The following DCAF10 variants were observed in gnomAD, a reference collection of about 807,000 sequenced individuals.
DCAF10 encodes the protein DDB1- and CUL4-associated factor 10.
A neutral mutation model predicts 51.9 loss-of-function variants in DCAF10; 19 were observed. The observed-to-expected ratio is 0.37, with a 90% CI of 0.26 to 0.54. The LOEUF (loss-of-function observed/expected upper bound fraction) is 0.54, where lower values mean the gene tolerates loss of function less well. Among genes scored for constraint, DCAF10 ranks in the 20% least tolerant of loss-of-function variants. The pLI is 0.87. For synonymous variants in DCAF10, 291 were observed against 297.1 expected (o/e 0.98, Z 0.21); for missense variants, 510 against 730.6 (o/e 0.70, Z 3.48).
In DCAF10 at chr9:37,865,767, CA is replaced by C. The variant is rs1203099428; in HGVS notation, c.*4260del. 1 of 152,066 alleles carries C rather than the reference CA, an allele frequency of 6.6e-6. No individual in the cohort carries two copies. The highest frequency in any genetic ancestry group is 6.6e-5 in the Admixed American group (1 of 15,262). 9.4% of individuals were successfully genotyped at this position (152,066 alleles called of 1,614,324 possible). A position where few individuals can be genotyped will look rare whatever the true frequency, so the allele number is the denominator to read the frequency against. The stretch of plus-strand genomic sequence containing the variant: ...CTTTTTTCCTCAGAAGCCCAAAGCA[CA>C]TGTATATTTTGTTATTTCTCCTTGC... On this transcript the variant is annotated 3_prime_UTR_variant, in exon 7 of 7. Coordinates refer to ENST00000377724, the MANE Select transcript of DCAF10 (RefSeq NM_024345.5).
chr9:37,857,376 A>G, intron 5 of DCAF10, 25 bp downstream of exon 5: 1 of 1,514,998 alleles, frequency 6.6e-7, no homozygotes, highest in South Asian at 1.2e-5. Flanking sequence ...GGATTTTATA[A>G]TCTTGTAACA....
chr9:37,801,238 C>G lies in DCAF10; in HGVS notation c.372C>G (p.Phe124Leu), dbSNP rs776609526. 6.3e-6 allele frequency: 10 copies of G among 1,579,562 alleles called. No homozygotes were observed. Among genetic ancestry groups the G allele is most frequent in the East Asian group, 4.8e-5 (2 of 41,814 alleles). Residue 124 changes from phenylalanine to leucine, a missense_variant, in exon 1 of 7, where the codon TTC (phenylalanine) becomes TTG (leucine). By Grantham distance (22) the Phe-to-Leu change is conservative (BLOSUM62 0). Transcript: ENST00000377724. The surrounding 1 kb of genome is among the most constrained non-coding windows in gnomAD (Gnocchi z 5.5). ...TGGGCGGCCCTGGCGCTAGGCTGTT[C>G]GGGTGGCTGAAAGAGCGCAGCCTGG... ...AGLGGPGARLFGWLKERSLGR... is the reference protein window; with the variant it reads ...AGLGGPGARLLGWLKERSLGR...
At chr9:37,818,239 C>T (rs900172153) in intron 1 of DCAF10, among the ~76,000 whole-genome samples, 3 of 152,112 alleles carry the variant, frequency 2.0e-5, no homozygotes, top group African/African-American at 7.2e-5. Context: ...TGTGATCCAC[C>T]CACCTCGGTC....
intron 5 of DCAF10, 143 bp from the exon 6 acceptor site, chr9:37,859,905 C>A: frequency 1.0e-6 from 1 of 960,582 alleles, no homozygotes; most frequent in Non-Finnish European, 1.6e-6. Context: ...TGGGGAGTAC[C>A]ACGCTCTTTA....
At chr9:37,810,904 C>T (rs371606653) in intron 1 of DCAF10, among the ~76,000 whole-genome samples, 12 of 152,124 alleles carry the variant, frequency 7.9e-5, no homozygotes, top group African/African-American at 2.4e-4. Flanking sequence ...AATCCAGAAT[C>T]GACAGTACTC....
chr9:37,800,586 G>A, upstream of DCAF10: 1 of 1,536,106 alleles, frequency 6.5e-7, no homozygotes. Context: ...ACCGGTCACT[G>A]ACAACTACAG....
At chr9:37,860,348 CT>C in intron 6 of DCAF10, 155 bp downstream of exon 6, 1 of 959,876 alleles carries the variant, frequency 1.0e-6, no homozygotes, top group Non-Finnish European at 1.5e-6. Context: ...TCTGTCCTCT[CT>C]TGCTTCATAT....
intron 2 of DCAF10, among the ~76,000 whole-genome samples, chr9:37,832,596 C>T (rs913166505): frequency 2.6e-5 from 4 of 152,140 alleles, no homozygotes; most frequent in South Asian, 2.1e-4. Context: ...AGTGGGAACA[C>T]GAAATTTCTT....
chr9:37,844,292 G>A (rs1322679448), intron 3 of DCAF10, among the ~76,000 whole-genome samples: 1 of 151,942 alleles, frequency 6.6e-6, no homozygotes, highest in East Asian at 1.9e-4. Context: ...AGGCTGAGGT[G>A]GGCAGATCAC....
In DCAF10 at chr9:37,814,127, TTTGTTG is replaced by T. The variant is rs60537201; in HGVS notation, c.540-5136_540-5131del. 1.8e-4 allele frequency among the ~76,000 whole-genome samples: 18 copies of T among 100,634 alleles called. No homozygotes were observed. In the East Asian group the frequency reaches 4.5e-3, roughly 25 times the overall value. 66.0% of individuals were successfully genotyped at this position (100,634 alleles called of 152,430 possible). On this transcript the variant is annotated intron_variant, in intron 1 of 6. Coordinates refer to ENST00000377724, the MANE Select transcript of DCAF10 (RefSeq NM_024345.5). ...ATATATATATATATATATATATATATTTGTTGTTGTTGTTGTTGTTGTTGTTGTTGA... is the reference window on the plus strand; with the variant it reads ...ATATATATATATATATATATATATATTTGTTGTTGTTGTTGTTGTTGTTGA...
chr9:37,861,475 T>C lies in DCAF10; in HGVS notation c.1647T>C (p.Ser549=), dbSNP rs1831015499. The C allele has an allele frequency of 1.2e-6, 2 of 1,611,814 alleles. No individual in the cohort carries two copies. Among genetic ancestry groups the C allele is most frequent in the African/African-American group, 1.3e-5 (1 of 74,894 alleles). ...GTCAGATTGCCTCAGGGTGCCTTAG[T>C]GGACGGGTTTCTTTGTATCAGCCAA... ...THCQIASGCL[S]GRVSLYQPKF is the part of the protein sequence containing the mutation. Residue 549 remains serine, a synonymous_variant, in exon 7 of 7, where the codon AGT becomes AGC. Transcript: ENST00000377724. This position sits in a 1 kb window ranked among gnomAD's most constrained non-coding sequence, Gnocchi z 4.9.
chr9:37,839,672 C>T (rs570096053), intron 2 of DCAF10, among the ~76,000 whole-genome samples: 33 of 152,324 alleles, frequency 2.2e-4, no homozygotes, highest in African/African-American at 7.7e-4. Flanking sequence ...GGGCACCATC[C>T]GCTCACATGC....
chr9:37,832,961 T>C (rs1830050580), intron 2 of DCAF10, among the ~76,000 whole-genome samples: 1 of 152,218 alleles, frequency 6.6e-6, no homozygotes, highest in Admixed American at 6.5e-5. Flanking sequence ...CGATCATTGC[T>C]CACTGCAACT....
At chr9:37,826,830 T>TC (rs1829865233) in intron 2 of DCAF10, among the ~76,000 whole-genome samples, 1 of 148,682 alleles carries the variant, frequency 6.7e-6, no homozygotes, top group East Asian at 1.9e-4. Flanking sequence ...CTTTTTTTTT[T>TC]TTTTTTTTTT....
intron 3 of DCAF10, among the ~76,000 whole-genome samples, chr9:37,848,077 A>G (rs1388704470): frequency 6.6e-6 from 1 of 152,228 alleles, no homozygotes; most frequent in East Asian, 1.9e-4. Flanking sequence ...TGGCAAGAAT[A>G]TGGAGAAACT....
At chr9:37,841,201 G>A (rs73646109) in intron 2 of DCAF10, among the ~76,000 whole-genome samples, 1,871 of 152,232 alleles carry the variant, frequency 0.012, 34 homozygotes, top group African/African-American at 0.043. Flanking sequence ...CTGTGTAAAC[G>A]CCTGGTATTT....
At chr9:37,857,210 G>A (rs971435166) in intron 4 of DCAF10, 31 bp from the exon 5 acceptor site, 2 of 1,520,052 alleles carry the variant, frequency 1.3e-6, no homozygotes, top group Admixed American at 2.0e-5. Flanking sequence ...GTTATGCTAG[G>A]TTTATTGTCA....
chr9:37,801,111 C>T lies in DCAF10; in HGVS notation c.245C>T (p.Ala82Val), dbSNP rs763245828. The change falls in exon 1 of 7, where the codon GCC becomes GTC. Residue 82 changes from alanine to valine, a missense_variant. Around this residue, in one of 4 missense-constraint regions of DCAF10, gnomAD observed 251 missense variants for 227.9 expected, o/e 1.10. Transcript: ENST00000377724. The surrounding 1 kb of genome is among the most constrained non-coding windows in gnomAD (Gnocchi z 5.5). ...GLPGAPESST[A>V]SAPGEPSPPS... ...CCTGGAGCTCCGGAGTCCTCAACTG[C>T]CTCCGCCCCGGGAGAGCCGTCACCT... 2 of 1,535,428 alleles carry T rather than the reference C, an allele frequency of 1.3e-6. No homozygotes were observed. Among genetic ancestry groups the T allele is most frequent in the Admixed American group, 3.9e-5 (2 of 50,724 alleles).
At chr9:37,836,086 A>C (rs574527443) in intron 2 of DCAF10, 20 of 1,196,250 alleles carry the variant, frequency 1.7e-5, no homozygotes, top group South Asian at 1.2e-4. Context: ...GCTGTGCTTG[A>C]TGCTAAAGAA....
Sources: allele counts gnomAD v4.1 joint callset (sites outside exome capture counted in the v4.1 genomes callset), GRCh38; gene constraint gnomAD v4.1.1; regional missense constraint gnomAD v4.1.1; non-coding constraint Gnocchi (gnomAD v3.1); transcripts MANE v1.5; gene names NCBI Gene and HGNC (gene_info 2026-07-23, HGNC 2026-07-21).